Variants in ANGPT2 observed in about 807,000 individuals in gnomAD.
ANGPT2 encodes the protein angiopoietin-2.
Under a neutral mutation model 62.9 loss-of-function variants are expected in ANGPT2, and 28 were observed. The ratio of observed to expected loss-of-function variants is 0.44; its 90% CI spans 0.33 to 0.61. ANGPT2 has a LOEUF of 0.61. ANGPT2 is among the 20% of genes least tolerant of loss of function. The probability of loss-of-function intolerance (pLI) is 0.03; values close to 1 mark genes in which losing one functional copy is unlikely to be tolerated. For missense variants in ANGPT2, 727 were observed against 594.9 expected, an observed-to-expected ratio of 1.22 and a Z score of -2.31; for synonymous variants, 284 against 207.8, an observed-to-expected ratio of 1.37 and a Z score of -3.15.
chr8:6,556,468 C>T (rs574465672), intron 1 of ANGPT2, among the ~76,000 whole-genome samples: 5 of 151,456 alleles, frequency 3.3e-5, no homozygotes, highest in African/African-American at 9.7e-5. Flanking sequence ...CACAGTCCCT[C>T]ACACGCCTGA....
At chr8:6,529,147 T>G (rs1387514222) in intron 2 of ANGPT2, among the ~76,000 whole-genome samples, 1 of 152,196 alleles carries the variant, frequency 6.6e-6, no homozygotes, top group African/African-American at 2.4e-5. Flanking sequence ...TTCACATCAC[T>G]TTTCTGGAGA....
intron 1 of ANGPT2, among the ~76,000 whole-genome samples, chr8:6,552,644 A>G (rs1417865705): frequency 1.3e-5 from 2 of 152,178 alleles, no homozygotes; most frequent in Non-Finnish European, 2.9e-5. Flanking sequence ...AGCATCTTAC[A>G]GTTTCCAACA....
chr8:6,503,368 G>C, intron 8 of ANGPT2, 107 bp from the exon 9 acceptor site: 2 of 1,125,068 alleles, frequency 1.8e-6, no homozygotes, highest in Non-Finnish European at 2.6e-6. Flanking sequence ...GGCGTGTGGA[G>C]TAGGCACATG....
rs73664542 is a variant in ANGPT2 at position 6,544,131 on chromosome 8, T to C, written c.289-11644A>G. Among the ~76,000 whole-genome samples the C allele has an allele frequency of 9.7e-3, 1,480 of 152,344 alleles. 17 individuals carry two copies. The highest frequency in any genetic ancestry group is 0.028 in the African/African-American group (1,163 of 41,580). On this transcript the variant is annotated intron_variant, in intron 1 of 8. Coordinates refer to ENST00000629816, the MANE Select transcript of ANGPT2 (RefSeq NM_001118887.2). Reference sequence around the variant, plus strand: ...TTTTGTTTTCCAAACATAACTTTTATCTTCATCTCTTGATCTGAAATTTGG... The same window carrying C: ...TTTTGTTTTCCAAACATAACTTTTACCTTCATCTCTTGATCTGAAATTTGG...
At chr8:6,561,291 A>T (rs1284343942) in intron 1 of ANGPT2, among the ~76,000 whole-genome samples, 4 of 152,250 alleles carry the variant, frequency 2.6e-5, no homozygotes, top group Non-Finnish European at 5.9e-5. Context: ...TGAAATCTAC[A>T]TTTGATAGGT....
intron 7 of ANGPT2, among the ~76,000 whole-genome samples, chr8:6,511,204 G>A (rs761642024): frequency 6.6e-6 from 1 of 152,054 alleles, no homozygotes; most frequent in African/African-American, 2.4e-5. Flanking sequence ...TCCTTTTGTG[G>A]CCCACTGGTT....
chr8:6,545,646 C>T (rs1822453861), intron 1 of ANGPT2, among the ~76,000 whole-genome samples: 1 of 152,202 alleles, frequency 6.6e-6, no homozygotes, highest in Non-Finnish European at 1.5e-5. Flanking sequence ...AAGGCATTTG[C>T]TCTTGGAAGA....
chr8:6,545,076 C>G (rs993025536), intron 1 of ANGPT2, among the ~76,000 whole-genome samples: 1 of 152,058 alleles, frequency 6.6e-6, no homozygotes, highest in Non-Finnish European at 1.5e-5. Context: ...TCACAGAAGC[C>G]ACACCCTAGG....
Position 6,500,108 on chromosome 8 carries a change from C to T in ANGPT2, c.*2993G>A, listed in dbSNP as rs1471414208. 4 of 622,306 alleles carry T rather than the reference C, an allele frequency of 6.4e-6. No individual in the cohort carries two copies. Among genetic ancestry groups the T allele is most frequent in the South Asian group, 3.7e-5 (2 of 54,626 alleles). The allele number at this position is 622,306 out of a possible 1,614,324, so 38.5% of individuals were successfully genotyped here. ...TTATTCGCGAGAACAAATGTGAGAA[C>T]GTGAGACCATTGTGCAAAAAGTAGT... On this transcript the variant is annotated 3_prime_UTR_variant, in exon 9 of 9. Transcript: ENST00000629816.
Position 6,500,215 on chromosome 8 carries a change from G to A in ANGPT2, c.*2886C>T, listed in dbSNP as rs986933269. 18 of 411,526 alleles carry A rather than the reference G, an allele frequency of 4.4e-5. No homozygotes were observed. Among genetic ancestry groups the A allele is most frequent in the African/African-American group, 3.4e-4 (17 of 49,354 alleles). The allele number at this position is 411,526 out of a possible 1,614,324, so 25.5% of individuals were successfully genotyped here. Reference sequence around the variant, plus strand: ...AAAAATGAAAAAAGACTGAATTCTTGGGCAGGTAGTCTTATATCTTGCTTA... The same window carrying A: ...AAAAATGAAAAAAGACTGAATTCTTAGGCAGGTAGTCTTATATCTTGCTTA... On this transcript the variant is annotated 3_prime_UTR_variant, in exon 9 of 9. Transcript: ENST00000629816.
At chr8:6,527,485 A>T in intron 3 of ANGPT2, 70 bp downstream of exon 3, 5 of 1,556,910 alleles carry the variant, frequency 3.2e-6, no homozygotes, top group Non-Finnish European at 4.4e-6. Flanking sequence ...ATAATTCATC[A>T]TTTGAGACCG....
intron 1 of ANGPT2, among the ~76,000 whole-genome samples, chr8:6,540,003 G>T (rs1296925023): frequency 2.0e-5 from 3 of 152,168 alleles, no homozygotes; most frequent in African/African-American, 4.8e-5. Context: ...ACTCCAAGAT[G>T]TATTAGGAAA....
intron 8 of ANGPT2, among the ~76,000 whole-genome samples, chr8:6,507,077 T>C (rs545752758): frequency 1.3e-5 from 2 of 152,234 alleles, no homozygotes; most frequent in African/African-American, 2.4e-5. Context: ...TTTGTATTTT[T>C]AGTAGAGATG....
intron 1 of ANGPT2, among the ~76,000 whole-genome samples, chr8:6,547,211 A>G (rs1031562783): frequency 2.0e-5 from 3 of 152,016 alleles, no homozygotes; most frequent in African/African-American, 7.2e-5. Context: ...ATTAGATTAT[A>G]CAGAAAAGTC....
intron 1 of ANGPT2, among the ~76,000 whole-genome samples, chr8:6,534,545 G>A (rs887579865): frequency 5.9e-5 from 9 of 152,102 alleles, no homozygotes; most frequent in African/African-American, 1.7e-4. Flanking sequence ...CTGGGACTAC[G>A]AGCGTGAGCC....
intron 1 of ANGPT2, among the ~76,000 whole-genome samples, chr8:6,533,194 C>G (rs574226816): frequency 2.0e-5 from 3 of 152,200 alleles, no homozygotes; most frequent in East Asian, 3.8e-4. Context: ...TGGGCTGGTT[C>G]TTCTCTCCCT....
chr8:6,516,549 T>G lies in ANGPT2; in HGVS notation c.928-1771A>C, dbSNP rs142918256. ...TTCCAAGTTTAAATCAGTTCATGAA[T>G]AATACTGCCTCTTATTTGCCTGCAG... On this transcript the variant is annotated intron_variant, in intron 5 of 8. Coordinates refer to ENST00000629816, the MANE Select transcript of ANGPT2 (RefSeq NM_001118887.2). 6.5e-3 allele frequency among the ~76,000 whole-genome samples: 984 copies of G among 152,338 alleles called. 14 individuals are homozygous for G. The highest frequency in any genetic ancestry group is 0.023 in the African/African-American group (940 of 41,578).
chr8:6,505,284 ATGT>A lies in ANGPT2; in HGVS notation c.1328-2026_1328-2024del, dbSNP rs1372681193. On this transcript the variant is annotated intron_variant, in intron 8 of 8. Coordinates refer to ENST00000629816, the MANE Select transcript of ANGPT2 (RefSeq NM_001118887.2). Reference sequence around the variant, plus strand: ...GTTTTATATATATGTATACATATATATGTTATATACATATATATGTATATAACA... The same window carrying A: ...GTTTTATATATATGTATACATATATATATATACATATATATGTATATAACA... Among the ~76,000 whole-genome samples, 111 of 32,616 alleles carry A rather than the reference ATGT, an allele frequency of 3.4e-3. 6 individuals carry two copies. Among genetic ancestry groups the A allele is most frequent in the East Asian group, 0.012 (10 of 826 alleles). 21.4% of individuals were successfully genotyped at this position (32,616 alleles called of 152,430 possible). A position where few individuals can be genotyped will look rare whatever the true frequency, so the allele number is the denominator to read the frequency against.
rs1460182436 is a variant in ANGPT2 at position 6,503,125 on chromosome 8, C to G, written c.1464G>C (p.Met488Ile). Residue 488 changes from methionine to isoleucine, a missense_variant, in exon 9 of 9, where the codon ATG (methionine) becomes ATC (isoleucine). Met to Ile is a conservative substitution (Grantham distance 10). Transcript: ENST00000629816. ...GSGYSLKATT[M>I]MIRPADF The stretch of plus-strand genomic sequence containing the variant: ...TTTAGAAATCTGCTGGTCGGATCAT[C>G]ATGGTTGTGGCCTTGAGCGAATAGC... 6.2e-7 allele frequency: 1 copy of G among 1,614,204 alleles called. No homozygotes were observed. Among genetic ancestry groups the G allele is most frequent in the South Asian group, 1.1e-5 (1 of 91,080 alleles).
Sources: gnomAD v4.1 joint callset for allele counts (sites outside exome capture counted in the v4.1 genomes callset) on GRCh38, gnomAD v4.1.1 for gene constraint, MANE v1.5 for transcripts, NCBI Gene and HGNC (gene_info 2026-07-23, HGNC 2026-07-21) for gene names.